PRKX: variants seen among roughly 807,000 people sequenced by gnomAD.
PRKX encodes the protein cAMP-dependent protein kinase catalytic subunit PRKX.
In PRKX, 12 loss-of-function variants were observed where a neutral mutation model predicts 22.0. The observed-to-expected ratio is 0.54, with a 90% CI of 0.35 to 0.88. The LOEUF (loss-of-function observed/expected upper bound fraction) is 0.88, where lower values mean the gene tolerates loss of function less well. Ranked by LOEUF, PRKX falls within the 40% of genes least tolerant of loss-of-function variation. The pLI is 0.01. For synonymous variants in PRKX, 134 were observed against 137.7 expected (o/e 0.97, Z 0.19); for missense variants, 217 against 308.0 (o/e 0.70, Z 2.21).
chrX:3,655,373 G>A lies in PRKX; in HGVS notation c.375C>T (p.Leu125=). The A allele has an allele frequency of 1.6e-5, 20 of 1,212,288 alleles. No homozygotes were observed. Among genetic ancestry groups the A allele is most frequent in the Non-Finnish European group, 2.2e-5 (20 of 895,631 alleles). The change falls in exon 3 of 9, where the codon CTC becomes CTT. Residue 125 remains leucine (L), a synonymous_variant. Coordinates refer to ENST00000262848, the MANE Select transcript of PRKX (RefSeq NM_005044.5). ...GCTCGCCGCCCGGCACGTACTCCAT[G>A]AGCATGTAGAGGAAGCGCTCGTCAT... The part of the protein sequence containing the change: ...TWHDERFLYM[L]MEYVPGGELF...
In PRKX at chrX:3,688,294, C is replaced by T. The variant is rs182626964; in HGVS notation, c.167-13528G>A. On this transcript the variant is annotated intron_variant, in intron 1 of 8. Transcript: ENST00000262848. ...AACCCCATCTCTACTAAAAATACAA[C>T]GATTAGCCGGGCATGGTGGCAGGCA... is the stretch of plus-strand genomic sequence containing the variant. Among the ~76,000 whole-genome samples the T allele has an allele frequency of 3.4e-3, 325 of 96,590 alleles. 15 individuals carry two copies. The highest frequency in any genetic ancestry group is 0.011 in the African/African-American group (301 of 27,822). 83.9% of individuals were successfully genotyped at this position (96,590 alleles called of 115,157 possible).
rs181628988 is a variant in PRKX at position 3,711,056 on chromosome X, T to C, written c.166+2032A>G. On this transcript the variant is annotated intron_variant, in intron 1 of 8. Transcript: ENST00000262848. ...TATTTTAGGTGAATCACACTCAGATTGCTCTTTAACCAACAATAAAGAAAC... is the reference window on the plus strand; with the variant it reads ...TATTTTAGGTGAATCACACTCAGATCGCTCTTTAACCAACAATAAAGAAAC... Among the ~76,000 whole-genome samples, 168 of 111,769 alleles carry C rather than the reference T, an allele frequency of 1.5e-3. 1 individual carries two copies. The highest frequency in any genetic ancestry group is 5.2e-3 in the African/African-American group (159 of 30,819).
In PRKX at chrX:3,666,911, T is replaced by TTAA. The variant is rs1555896018; in HGVS notation, c.335+7686_335+7687insTTA. Among the ~76,000 whole-genome samples, 145 of 65,788 alleles carry TTAA rather than the reference T, an allele frequency of 2.2e-3. 1 individual carries two copies. Among genetic ancestry groups the TTAA allele is most frequent in the African/African-American group, 7.9e-3 (134 of 16,913 alleles). The allele number at this position is 65,788 out of a possible 115,157, so 57.1% of individuals were successfully genotyped here. A position where few individuals can be genotyped will look rare whatever the true frequency, so the allele number is the denominator to read the frequency against. On this transcript the variant is annotated intron_variant, in intron 2 of 8. Coordinates refer to ENST00000262848, the MANE Select transcript of PRKX (RefSeq NM_005044.5). The stretch of plus-strand genomic sequence containing the variant: ...CAACAGAGCAAGACCTCATTTCTTT[T>TTAA]AAAAAAAAAAAAAAAAAAAAAGGAA...
At chrX:3,699,471 G>C (rs1928513689) in intron 1 of PRKX, among the ~76,000 whole-genome samples, 1 of 111,214 alleles carries the variant, frequency 9.0e-6, no homozygotes, top group African/African-American at 3.3e-5. Context: ...TCTCACGTCA[G>C]CCTCCCAAGT....
intron 1 of PRKX, among the ~76,000 whole-genome samples, chrX:3,704,643 C>T (rs1262304394): frequency 1.8e-5 from 2 of 110,047 alleles, no homozygotes; most frequent in Non-Finnish European, 3.8e-5. Context: ...GCCTGGGTGT[C>T]CGAGTGAGAC....
chrX:3,677,098 A>T (rs1174278790), intron 1 of PRKX, among the ~76,000 whole-genome samples: 1 of 111,299 alleles, frequency 9.0e-6, no homozygotes, highest in Non-Finnish European at 1.9e-5. Flanking sequence ...GTAGAGAGGT[A>T]GTTATCAGAG....
intron 3 of PRKX, among the ~76,000 whole-genome samples, chrX:3,654,807 TA>T (rs1427387079): frequency 9.0e-6 from 1 of 110,826 alleles, no homozygotes; most frequent in Non-Finnish European, 1.9e-5. Context: ...TATTGTATCC[TA>T]TTCGATGCAG....
At chrX:3,617,597 G>T (rs768061976) in intron 6 of PRKX, among the ~76,000 whole-genome samples, 4 of 110,309 alleles carry the variant, frequency 3.6e-5, no homozygotes, top group Admixed American at 9.8e-5. Flanking sequence ...AGTGAGCTGT[G>T]ATCGCACCAC....
At chrX:3,673,694 T>A (rs1224166960) in intron 2 of PRKX, among the ~76,000 whole-genome samples, 5 of 110,581 alleles carry the variant, frequency 4.5e-5, no homozygotes. Context: ...ACGCAGGACA[T>A]CCTTGTCTAA....
rs958280376 is a variant in PRKX at position 3,612,293 on chromosome X, G to A, written c.984C>T (p.Gly328=). 8.3e-7 allele frequency: 1 copy of A among 1,210,117 alleles called. No individual in the cohort carries two copies. Among genetic ancestry groups the A allele is most frequent in the Admixed American group, 2.2e-5 (1 of 45,797 alleles). Residue 328 remains glycine, a synonymous_variant, in exon 8 of 9, where the codon GGC becomes GGT. Transcript: ENST00000262848. The part of the protein sequence containing the change: ...PPIVPKIAGD[G]DTSNFETYPE... ...GGTAAGTTTCGAAGTTGGAAGTGTC[G>A]CCGTCACCAGCTATCTTGGGCACGA...
Position 3,637,122 on chromosome X carries a change from AAAGGAAAGGG to A in PRKX, c.719+4720_719+4729del, listed in dbSNP as rs1280125547. On this transcript the variant is annotated intron_variant, in intron 4 of 8. Coordinates refer to ENST00000262848, the MANE Select transcript of PRKX (RefSeq NM_005044.5). ...GGAAGGAGAGAGGGAGGGAGGGAGG[AAAGGAAAGGG>A]AAGGAAAGGAAAGGGAAAAAGAAAA... Among the ~76,000 whole-genome samples the A allele has an allele frequency of 3.9e-5, 4 of 103,202 alleles. No homozygotes were observed. In the Admixed American group the frequency reaches 4.2e-4, roughly 11 times the overall value. 89.6% of individuals were successfully genotyped at this position (103,202 alleles called of 115,157 possible).
chrX:3,676,876 G>C (rs572431519), intron 1 of PRKX, among the ~76,000 whole-genome samples: 87 of 111,629 alleles, frequency 7.8e-4, no homozygotes, highest in South Asian at 4.5e-3. Flanking sequence ...TCCCTGCTCG[G>C]GCTCTCTTCT....
chrX:3,667,767 T>C (rs1248231954), intron 2 of PRKX, among the ~76,000 whole-genome samples: 3 of 110,715 alleles, frequency 2.7e-5, no homozygotes, highest in Non-Finnish European at 5.7e-5. Flanking sequence ...GTTCACTGCA[T>C]TCCTGTGTCC....
chrX:3,676,708 CA>C (rs1927963590), intron 1 of PRKX, among the ~76,000 whole-genome samples: 1 of 111,772 alleles, frequency 8.9e-6, no homozygotes, highest in Non-Finnish European at 1.9e-5. Flanking sequence ...GCTGTGTCCC[CA>C]CCCAAGTCTA....
intron 1 of PRKX, among the ~76,000 whole-genome samples, chrX:3,710,217 TG>T (rs1928761159): frequency 8.9e-6 from 1 of 112,081 alleles, no homozygotes; most frequent in African/African-American, 3.2e-5. Flanking sequence ...ATGACTGTTC[TG>T]ATCCAAAGTT....
intron 1 of PRKX, among the ~76,000 whole-genome samples, chrX:3,686,025 G>A (rs1346165147): frequency 2.7e-5 from 3 of 112,002 alleles, no homozygotes; most frequent in Non-Finnish European, 3.8e-5. Context: ...TCCAGCCTGG[G>A]AGACAGAGCA....
chrX:3,613,150 C>CAAAAAAAAAAAAAAAAA lies in PRKX; in HGVS notation c.952-842_952-826dup, dbSNP rs528688936. ...TGGGCAACGGAGCAAGACTTCGTCT[C>CAAAAAAAAAAAAAAAAA]AAAAAAAAAAAAAAAAAAAAAAAAA... is the stretch of plus-strand genomic sequence containing the variant. On this transcript the variant is annotated intron_variant, in intron 7 of 8. Transcript: ENST00000262848. 1.1e-3 allele frequency among the ~76,000 whole-genome samples: 62 copies of CAAAAAAAAAAAAAAAAA among 54,320 alleles called. 6 individuals are homozygous for CAAAAAAAAAAAAAAAAA. Among genetic ancestry groups the CAAAAAAAAAAAAAAAAA allele is most frequent in the Non-Finnish European group, 1.9e-3 (50 of 26,547 alleles). The allele number at this position is 54,320 out of a possible 115,157, so 47.2% of individuals were successfully genotyped here. A position where few individuals can be genotyped will look rare whatever the true frequency, so the allele number is the denominator to read the frequency against.
At chrX:3,629,039 A>G (rs1679582327) in intron 4 of PRKX, among the ~76,000 whole-genome samples, 1 of 111,983 alleles carries the variant, frequency 8.9e-6, no homozygotes, top group Non-Finnish European at 1.9e-5. Context: ...GATGGAGTAC[A>G]TAAATGAAAT....
intron 3 of PRKX, among the ~76,000 whole-genome samples, chrX:3,653,953 A>G (rs1404425038): frequency 2.5e-5 from 2 of 80,162 alleles, no homozygotes; most frequent in Non-Finnish European, 4.3e-5. Context: ...TATATATAAT[A>G]TATATTATAT....
Sources: gnomAD v4.1 joint callset for allele counts (sites outside exome capture counted in the v4.1 genomes callset) on GRCh38, gnomAD v4.1.1 for gene constraint, MANE v1.5 for transcripts, NCBI Gene and HGNC (gene_info 2026-07-23, HGNC 2026-07-21) for gene names.